ATRNL1: variants seen among roughly 807,000 people sequenced by gnomAD.
The protein encoded by ATRNL1 is attractin like 1.
ATRNL1 carries 95 observed loss-of-function variants against 182.7 expected under a neutral mutation model. The ratio of observed to expected loss-of-function variants is 0.52; its 90% CI spans 0.44 to 0.62. ATRNL1 has a LOEUF of 0.62. Among genes scored for constraint, ATRNL1 ranks in the 20% least tolerant of loss-of-function variants. The pLI is 0.00. For synonymous variants in ATRNL1, 576 were observed against 568.3 expected (o/e 1.01, Z -0.19); for missense variants, 1,471 against 1,679.5 (o/e 0.88, Z 2.17).
chr10:115,600,144 T>G (rs2133940199), intron 26 of ATRNL1, among the ~76,000 whole-genome samples: 1 of 152,308 alleles, frequency 6.6e-6, no homozygotes, highest in South Asian at 2.1e-4. Context: ...TTGAGATATA[T>G]CAGTAATTTT....
At chr10:115,704,813 C>A (rs1458589406) in intron 26 of ATRNL1, among the ~76,000 whole-genome samples, 2 of 151,788 alleles carry the variant, frequency 1.3e-5, no homozygotes, top group African/African-American at 4.8e-5. Context: ...ATATTGGTGT[C>A]TTTCCATTTC....
intron 17 of ATRNL1, among the ~76,000 whole-genome samples, chr10:115,315,070 G>T (rs1554929110): frequency 6.6e-6 from 1 of 152,102 alleles, no homozygotes; most frequent in African/African-American, 2.4e-5. Context: ...AGCAATCTCA[G>T]GAAATGGGCA....
chr10:115,850,059 G>T (rs1330373712), intron 28 of ATRNL1, among the ~76,000 whole-genome samples: 2 of 152,138 alleles, frequency 1.3e-5, no homozygotes, highest in African/African-American at 4.8e-5. Context: ...CAATCTAGTA[G>T]ATTTTTCAAG....
At chr10:115,381,436 T>TTTTTTTTTTTTTTTTTTTTC (rs1857997229) in intron 19 of ATRNL1, among the ~76,000 whole-genome samples, 1 of 132,774 alleles carries the variant, frequency 7.5e-6, no homozygotes, top group African/African-American at 2.8e-5. Context: ...CTGGCAATTT[T>TTTTTTTTTTTTTTTTTTTTC]TTTTTTTTTT....
At chr10:115,831,570 A>G (rs2024179) in intron 27 of ATRNL1, among the ~76,000 whole-genome samples, 24,744 of 152,040 alleles carry the variant, frequency 0.16, 2,215 homozygotes, top group Non-Finnish European at 0.2. Context: ...ACCAATTGGA[A>G]AGGTGTTCCC....
At chr10:115,148,388 G>C (rs1846062472) in intron 5 of ATRNL1, among the ~76,000 whole-genome samples, 2 of 152,144 alleles carry the variant, frequency 1.3e-5, no homozygotes, top group African/African-American at 2.4e-5. Flanking sequence ...CATCAGCAAA[G>C]AGTGGCAATT....
At chr10:115,367,233 T>C (rs1242152558) in intron 19 of ATRNL1, among the ~76,000 whole-genome samples, 1 of 113,114 alleles carries the variant, frequency 8.8e-6, no homozygotes, top group Non-Finnish European at 2.0e-5. Context: ...TATTCTTTTT[T>C]CTCTAAACTT....
chr10:115,684,448 G>GGT (rs1555045727), intron 26 of ATRNL1, among the ~76,000 whole-genome samples: 18 of 143,174 alleles, frequency 1.3e-4, no homozygotes, highest in Middle Eastern at 3.3e-3. Flanking sequence ...AAAAGTTTCT[G>GGT]TTTTTTTTTT....
intron 26 of ATRNL1, among the ~76,000 whole-genome samples, chr10:115,696,510 C>T (rs1946564166): frequency 6.6e-6 from 1 of 152,082 alleles, no homozygotes; most frequent in South Asian, 2.1e-4. Context: ...AATTTATGTT[C>T]CTTTGGGTAT....
intron 27 of ATRNL1, among the ~76,000 whole-genome samples, chr10:115,733,684 A>G (rs1422035670): frequency 6.6e-6 from 1 of 152,118 alleles, no homozygotes. Flanking sequence ...TGCCATATCC[A>G]TGGACAGTAG....
intron 28 of ATRNL1, among the ~76,000 whole-genome samples, chr10:115,889,027 G>C (rs1224467557): frequency 2.6e-5 from 4 of 152,194 alleles, no homozygotes; most frequent in African/African-American, 9.6e-5. Flanking sequence ...TCTCTACCAA[G>C]CTGTAGTAAA....
intron 20 of ATRNL1, among the ~76,000 whole-genome samples, chr10:115,421,632 A>G (rs1845655636): frequency 6.6e-6 from 1 of 152,210 alleles, no homozygotes. Flanking sequence ...GCTGAAGCAA[A>G]TGCCATAGTA....
At chr10:115,940,907 A>G (rs1200538141) in intron 28 of ATRNL1, among the ~76,000 whole-genome samples, 5 of 152,236 alleles carry the variant, frequency 3.3e-5, no homozygotes, top group Non-Finnish European at 7.3e-5. Context: ...GCACACACAC[A>G]TATAAATGCA....
chr10:115,110,606 TG>T (rs1844215259), intron 1 of ATRNL1, among the ~76,000 whole-genome samples: 1 of 152,204 alleles, frequency 6.6e-6, no homozygotes, highest in Non-Finnish European at 1.5e-5. Context: ...CCTATAGAAC[TG>T]TGAGATAATA....
chr10:115,151,083 G>C (rs1554880449), intron 5 of ATRNL1, among the ~76,000 whole-genome samples: 1 of 152,132 alleles, frequency 6.6e-6, no homozygotes, highest in Non-Finnish European at 1.5e-5. Context: ...AGTATGCTAT[G>C]GTGTATATGT....
At chr10:115,493,176 G>A (rs1849391512) in intron 24 of ATRNL1, among the ~76,000 whole-genome samples, 1 of 152,182 alleles carries the variant, frequency 6.6e-6, no homozygotes, top group Middle Eastern at 3.4e-3. Context: ...GGTAAACTGT[G>A]TTTTGTGGGG....
At chr10:115,334,446 T>C (rs781848048) in intron 19 of ATRNL1, 27 bp downstream of exon 19, 3 of 1,495,664 alleles carry the variant, frequency 2.0e-6, no homozygotes. Context: ...CAAATTTTGG[T>C]GTATTTTTAC....
chr10:115,404,046 G>A (rs1176530654), intron 20 of ATRNL1, among the ~76,000 whole-genome samples: 3 of 152,172 alleles, frequency 2.0e-5, no homozygotes, highest in Non-Finnish European at 4.4e-5. Flanking sequence ...CTACCCTTGA[G>A]GAATATGTTT....
intron 27 of ATRNL1, among the ~76,000 whole-genome samples, chr10:115,728,091 T>C (rs1205374748): frequency 4.0e-4 from 48 of 120,078 alleles, no homozygotes; most frequent in South Asian, 2.8e-3. Flanking sequence ...CTGGCTAACA[T>C]GGTGAAACCC....
Sources: allele counts gnomAD v4.1 joint callset (sites outside exome capture counted in the v4.1 genomes callset), GRCh38; gene constraint gnomAD v4.1.1; transcripts MANE v1.5; gene names NCBI Gene and HGNC (gene_info 2026-07-23, HGNC 2026-07-21).